The following BANK1 variants were observed in gnomAD, a reference collection of about 807,000 sequenced individuals.
BANK1 encodes the protein B-cell scaffold protein with ankyrin repeats.
Under a neutral mutation model 94.5 loss-of-function variants are expected in BANK1, and 95 were observed. The ratio of observed to expected loss-of-function variants is 1.00; its 90% confidence interval spans 0.85 to 1.19. The LOEUF (loss-of-function observed/expected upper bound fraction) is 1.19, where lower values mean the gene tolerates loss of function less well. Among genes scored for constraint, BANK1 ranks in the 50% most tolerant of loss-of-function variants. The pLI is 0.00. For missense variants in BANK1, 987 were observed against 932.2 expected (o/e 1.06, Z -0.77); for synonymous variants, 334 against 308.4 (o/e 1.08, Z -0.87).
At chr4:101,907,721 A>C (rs1212136415) in intron 6 of BANK1, among the ~76,000 whole-genome samples, 1 of 152,230 alleles carries the variant, frequency 6.6e-6, no homozygotes, top group Non-Finnish European at 1.5e-5. Context: ...AGGATACAAA[A>C]TCAATGTGCA....
intron 7 of BANK1, among the ~76,000 whole-genome samples, chr4:102,004,495 C>T (rs1382242323): frequency 6.6e-6 from 1 of 152,036 alleles, no homozygotes; most frequent in Non-Finnish European, 1.5e-5. Flanking sequence ...ATTTTTTCAT[C>T]GACCAGCCAT....
intron 7 of BANK1, among the ~76,000 whole-genome samples, chr4:101,954,143 C>G (rs1307932851): frequency 6.6e-6 from 1 of 152,140 alleles, no homozygotes; most frequent in Non-Finnish European, 1.5e-5. Context: ...CTGTGTGTAT[C>G]TCTGTGTCCG....
At chr4:101,816,557 C>CCT (rs1553924218) in intron 1 of BANK1, among the ~76,000 whole-genome samples, 2 of 138,622 alleles carry the variant, frequency 1.4e-5, no homozygotes, top group African/African-American at 5.3e-5. Context: ...TGCCATGCTT[C>CCT]TTTTTTTTTT....
intron 7 of BANK1, among the ~76,000 whole-genome samples, chr4:101,945,208 G>T (rs1457715426): frequency 6.6e-6 from 1 of 151,866 alleles, no homozygotes; most frequent in Non-Finnish European, 1.5e-5. Flanking sequence ...CCTCATTCAT[G>T]GTTAAACATA....
intron 8 of BANK1, among the ~76,000 whole-genome samples, chr4:102,022,121 C>T (rs1164679136): frequency 2.0e-5 from 3 of 151,692 alleles, no homozygotes; most frequent in South Asian, 2.1e-4. Context: ...TGTATATATA[C>T]GCGTTTATAT....
At chr4:101,941,618 A>G (rs1035736883) in intron 7 of BANK1, among the ~76,000 whole-genome samples, 1 of 151,792 alleles carries the variant, frequency 6.6e-6, no homozygotes, top group Non-Finnish European at 1.5e-5. Context: ...AGAGGCTGAC[A>G]TCATTCGTCA....
At chr4:101,906,691 C>T (rs1722462955) in intron 6 of BANK1, among the ~76,000 whole-genome samples, 1 of 152,190 alleles carries the variant, frequency 6.6e-6, no homozygotes, top group Non-Finnish European at 1.5e-5. Context: ...ACGAACCAGA[C>T]CCCACACCTG....
intron 11 of BANK1, among the ~76,000 whole-genome samples, chr4:102,045,399 C>G (rs1727846307): frequency 6.6e-6 from 1 of 152,102 alleles, no homozygotes; most frequent in East Asian, 1.9e-4. Context: ...GATGCCCTCT[C>G]TCACCACTCC....
At chr4:101,955,361 A>ATCTCTTTCT (rs1198464070) in intron 7 of BANK1, among the ~76,000 whole-genome samples, 1 of 152,108 alleles carries the variant, frequency 6.6e-6, no homozygotes, top group Admixed American at 6.6e-5. Flanking sequence ...CTTAGACTAG[A>ATCTCTTTCT]TCTCTTTCTT....
At chr4:102,046,446 G>T (rs1308184668) in intron 11 of BANK1, among the ~76,000 whole-genome samples, 3 of 152,058 alleles carry the variant, frequency 2.0e-5, no homozygotes, top group Middle Eastern at 3.2e-3. Flanking sequence ...TATCATGAGG[G>T]TTCCAGGAAG....
In BANK1 at chr4:101,830,001, C is replaced by T. The variant is rs1490703858; in HGVS notation, c.264C>T (p.Ser88=). ...YKCKLLILSN[S]LLRDLTPKKC... Reference sequence around the variant, plus strand: ...GTAAACTTTTGATATTATCAAATAGCCTGCTTAGAGACCTAACTCCAAAGA... The same window carrying T: ...GTAAACTTTTGATATTATCAAATAGTCTGCTTAGAGACCTAACTCCAAAGA... Residue 88 remains serine (S), a synonymous_variant, in exon 2 of 17, where the codon AGC becomes AGT. Transcript: ENST00000322953. 1 of 1,613,124 alleles carries T rather than the reference C, an allele frequency of 6.2e-7. No individual in the cohort carries two copies.
At chr4:101,792,470 T>TG (rs1491125013) in intron 1 of BANK1, among the ~76,000 whole-genome samples, 3,335 of 40,896 alleles carry the variant, frequency 0.082, 110 homozygotes, top group African/African-American at 0.14. Flanking sequence ...TGTGTGTGTG[T>TG]TTTTTTTTTT....
intron 1 of BANK1, among the ~76,000 whole-genome samples, chr4:101,805,787 C>G (rs1380526524): frequency 1.3e-5 from 2 of 151,624 alleles, no homozygotes; most frequent in African/African-American, 4.8e-5. Context: ...CAATCTTTTT[C>G]AAACTCTTTG....
At chr4:102,051,609 T>C (rs1163783064) in intron 11 of BANK1, among the ~76,000 whole-genome samples, 1 of 152,158 alleles carries the variant, frequency 6.6e-6, no homozygotes, top group East Asian at 1.9e-4. Flanking sequence ...CTACCCCTAC[T>C]GTCTATGAAA....
chr4:101,922,563 A>G (rs1163594121), intron 7 of BANK1, among the ~76,000 whole-genome samples: 7 of 151,786 alleles, frequency 4.6e-5, no homozygotes, highest in Admixed American at 4.6e-4. Context: ...TCACTTTCCC[A>G]ATCATATACT....
intron 7 of BANK1, among the ~76,000 whole-genome samples, chr4:101,956,618 A>T (rs529924996): frequency 3.0e-4 from 46 of 152,296 alleles, no homozygotes; most frequent in Non-Finnish European, 5.4e-4. Context: ...GCGGCAGGCT[A>T]ACAATGAAGC....
At chr4:101,954,550 GA>G (rs1260872117) in intron 7 of BANK1, among the ~76,000 whole-genome samples, 2 of 152,074 alleles carry the variant, frequency 1.3e-5, no homozygotes, top group South Asian at 4.2e-4. Flanking sequence ...CCAGTGAGGT[GA>G]TTGGATTGAT....
intron 3 of BANK1, among the ~76,000 whole-genome samples, chr4:101,862,021 A>G (rs548019079): frequency 1.3e-5 from 2 of 152,240 alleles, no homozygotes; most frequent in African/African-American, 4.8e-5. Flanking sequence ...CTACTACATA[A>G]AATATAAAAC....
At chr4:102,030,359 A>G (rs1727255336) in intron 10 of BANK1, 94 bp downstream of exon 10, 1 of 1,269,824 alleles carries the variant, frequency 7.9e-7, no homozygotes, top group South Asian at 1.7e-5. Context: ...TTAATGCTCT[A>G]AAACTCCAAA....
Sources: allele counts gnomAD v4.1 joint callset (sites outside exome capture counted in the v4.1 genomes callset), GRCh38; gene constraint gnomAD v4.1.1; transcripts MANE v1.5; gene names NCBI Gene and HGNC (gene_info 2026-07-23, HGNC 2026-07-21).